ENOX1: variants seen among roughly 807,000 people sequenced by gnomAD.
ENOX1 encodes ecto-NOX disulfide-thiol exchanger 1, also known as candidate growth-related and time keeping constitutive hydroquinone (NADH) oxidase.
Under a neutral mutation model 82.5 loss-of-function variants are expected in ENOX1, and 42 were observed. The observed-to-expected ratio is 0.51, with a 90% CI of 0.40 to 0.66. The LOEUF (loss-of-function observed/expected upper bound fraction) is 0.66, where lower values mean the gene tolerates loss of function less well. ENOX1 is among the 30% of genes least tolerant of loss of function. The pLI, the probability that ENOX1 is intolerant of heterozygous loss-of-function variation, is 0.00. For missense variants in ENOX1, 608 were observed against 811.6 expected (o/e 0.75, Z 3.05); for synonymous variants, 271 against 282.2 (o/e 0.96, Z 0.40).
At chr13:43,716,788 CAAA>C (rs33980324) in intron 1 of ENOX1, among the ~76,000 whole-genome samples, 3 of 147,822 alleles carry the variant, frequency 2.0e-5, no homozygotes, top group African/African-American at 4.9e-5. Context: ...ACAATACCCA[CAAA>C]AAAAAAAAAT....
intron 2 of ENOX1, among the ~76,000 whole-genome samples, chr13:43,598,077 T>C (rs1479557917): frequency 6.6e-6 from 1 of 152,182 alleles, no homozygotes; most frequent in Middle Eastern, 3.2e-3. Context: ...GTTCACTGGC[T>C]GCCTCTTGTG....
chr13:43,369,432 C>T (rs867288938), intron 5 of ENOX1, among the ~76,000 whole-genome samples: 14 of 152,278 alleles, frequency 9.2e-5, no homozygotes, highest in Middle Eastern at 3.4e-3. Context: ...TGTTACGTTA[C>T]GATTAAAAAG....
chr13:43,430,453 T>C (rs1318404348), intron 3 of ENOX1, among the ~76,000 whole-genome samples: 1 of 152,234 alleles, frequency 6.6e-6, no homozygotes, highest in African/African-American at 2.4e-5. Flanking sequence ...CCATTCATAA[T>C]TTCTTTTCTT....
intron 2 of ENOX1, among the ~76,000 whole-genome samples, chr13:43,568,534 T>G (rs1044336800): frequency 3.9e-5 from 6 of 152,122 alleles, no homozygotes; most frequent in African/African-American, 1.4e-4. Flanking sequence ...ACTGGCCCAC[T>G]CCACTTGAGC....
At chr13:43,346,265 C>T (rs780856227) in intron 8 of ENOX1, among the ~76,000 whole-genome samples, 14 of 152,092 alleles carry the variant, frequency 9.2e-5, no homozygotes, top group Admixed American at 2.6e-4. Context: ...CAAGGTCCTA[C>T]GGCTGAACTC....
chr13:43,643,709 A>G (rs1043817385), intron 2 of ENOX1, among the ~76,000 whole-genome samples: 4 of 152,060 alleles, frequency 2.6e-5, no homozygotes, highest in African/African-American at 4.8e-5. Flanking sequence ...ATAAATATAT[A>G]TCAATATAAG....
intron 9 of ENOX1, among the ~76,000 whole-genome samples, chr13:43,334,881 G>A (rs1178479202): frequency 6.6e-6 from 1 of 152,150 alleles, no homozygotes; most frequent in African/African-American, 2.4e-5. Flanking sequence ...TTACAGAAGT[G>A]GGGCCAAGGG....
At position 43,424,468 on chromosome 13, in the gene ENOX1, C is replaced by A. The variant is rs956493553; in HGVS notation, c.-74-11480G>T. Among the ~76,000 whole-genome samples, 5 of 152,310 alleles carry A rather than the reference C, an allele frequency of 3.3e-5. No homozygotes were observed. In the East Asian group the frequency reaches 9.6e-4, roughly 29 times the overall value. On this transcript the variant is annotated intron_variant, in intron 3 of 16. Transcript: ENST00000690772. ...TTATGGAAATCTACCTGCAATAAAA[C>A]CCAGATCAGACCAAGACCAGCCTGA...
chr13:43,625,982 T>TG (rs1383233488), intron 2 of ENOX1, among the ~76,000 whole-genome samples: 2 of 151,976 alleles, frequency 1.3e-5, no homozygotes, highest in African/African-American at 2.4e-5. Context: ...GATATTTCTT[T>TG]GGGGGGAGTT....
chr13:43,779,849 C>A (rs925428449), intron 1 of ENOX1, among the ~76,000 whole-genome samples: 9 of 152,098 alleles, frequency 5.9e-5, no homozygotes, highest in Non-Finnish European at 1.0e-4. Context: ...CCATGAGCAG[C>A]AACTGTGCCT....
At chr13:43,596,203 T>G (rs1566601140) in intron 2 of ENOX1, among the ~76,000 whole-genome samples, 1 of 152,216 alleles carries the variant, frequency 6.6e-6, no homozygotes, top group Non-Finnish European at 1.5e-5. Flanking sequence ...ACATAGATTT[T>G]AAACATCTGG....
intron 5 of ENOX1, among the ~76,000 whole-genome samples, chr13:43,383,810 G>C (rs186944075): frequency 1.6e-3 from 249 of 152,324 alleles, no homozygotes; most frequent in African/African-American, 5.8e-3. Context: ...CTAGTAGAAT[G>C]CATGAATTTG....
Position 43,370,345 on chromosome 13 carries a change from C to T in ENOX1, c.209-8893G>A, listed in dbSNP as rs1446154514. 4.6e-5 allele frequency among the ~76,000 whole-genome samples: 7 copies of T among 151,780 alleles called. No homozygotes were observed. The East Asian group carries it at 9.7e-4, about 21-fold the overall frequency. Reference sequence around the variant, plus strand: ...TCGCGCCACTGCAGTCCAGCCTGGGCAACACAGCGAGACTCCATCTCAAGA... The same window carrying T: ...TCGCGCCACTGCAGTCCAGCCTGGGTAACACAGCGAGACTCCATCTCAAGA... On this transcript the variant is annotated intron_variant, in intron 5 of 16. Transcript: ENST00000690772.
At chr13:43,715,345 T>A (rs2088040948) in intron 1 of ENOX1, among the ~76,000 whole-genome samples, 1 of 152,088 alleles carries the variant, frequency 6.6e-6, no homozygotes. Flanking sequence ...CCCTTAACAT[T>A]TTTTCCTTCA....
At chr13:43,412,161 T>C (rs1370672400) in intron 4 of ENOX1, 108 bp from the exon 5 acceptor site, 1 of 1,248,780 alleles carries the variant, frequency 8.0e-7, no homozygotes, top group Non-Finnish European at 1.1e-6. Context: ...ATTCCCAAAC[T>C]ACAAAAAAAA....
In ENOX1 at chr13:43,246,945, C is replaced by T. The variant is rs142882925; in HGVS notation, c.1612-10207G>A. On this transcript the variant is annotated intron_variant, in intron 14 of 16. Coordinates refer to ENST00000690772, the MANE Select transcript of ENOX1 (RefSeq NM_001347969.2). ...ATTCTATGTGTGAAGCAGAGAGGGG[C>T]GAGCTAAAATCATTTAAACAAGTCA... 4.5e-3 allele frequency among the ~76,000 whole-genome samples: 690 copies of T among 152,130 alleles called. 6 individuals are homozygous for T. Among genetic ancestry groups the T allele is most frequent in the Middle Eastern group, 0.037 (11 of 294 alleles).
At chr13:43,214,172 G>C (rs1244535811) in intron 16 of ENOX1, 51 bp from the exon 17 acceptor site, 1 of 1,588,288 alleles carries the variant, frequency 6.3e-7, no homozygotes, top group Middle Eastern at 1.7e-4. Flanking sequence ...CATCTTAAAG[G>C]AGGAATGGAT....
At chr13:43,540,894 G>A (rs1347394973) in intron 2 of ENOX1, among the ~76,000 whole-genome samples, 1 of 152,138 alleles carries the variant, frequency 6.6e-6, no homozygotes, top group Non-Finnish European at 1.5e-5. Flanking sequence ...ATGCCTCTGA[G>A]GGTGGAATCA....
intron 9 of ENOX1, among the ~76,000 whole-genome samples, chr13:43,335,285 A>AAAAC (rs1251660751): frequency 6.6e-6 from 1 of 152,230 alleles, no homozygotes; most frequent in Non-Finnish European, 1.5e-5. Context: ...CTTTGGTTGG[A>AAAAC]AAACAAACAC....
Sources: allele counts gnomAD v4.1 joint callset (sites outside exome capture counted in the v4.1 genomes callset), GRCh38; gene constraint gnomAD v4.1.1; transcripts MANE v1.5; gene names NCBI Gene and HGNC (gene_info 2026-07-23, HGNC 2026-07-21).